The following GRM1 variants were observed in gnomAD, a reference collection of about 807,000 sequenced individuals.
GRM1 encodes the protein metabotropic glutamate receptor 1.
In GRM1, 33 loss-of-function variants were observed where a neutral mutation model predicts 90.9. That is an observed-to-expected ratio of 0.36 (90% CI 0.28 to 0.49). The LOEUF (loss-of-function observed/expected upper bound fraction) is 0.49. Among genes scored for constraint, GRM1 ranks in the 20% least tolerant of loss-of-function variants. GRM1 has a pLI of 0.99. For synonymous variants in GRM1, 700 were observed against 613.2 expected (o/e 1.14, Z -2.09); for missense variants, 1,190 against 1,534.3 (o/e 0.78, Z 3.75).
At chr6:146,126,730 T>C (rs1233241239) in intron 1 of GRM1, among the ~76,000 whole-genome samples, 1 of 152,186 alleles carries the variant, frequency 6.6e-6, no homozygotes, top group African/African-American at 2.4e-5. Flanking sequence ...TAGAAGCTCT[T>C]TTTAAAAAAT....
chr6:146,357,920 T>C (rs1388933342), intron 5 of GRM1, among the ~76,000 whole-genome samples: 1 of 152,196 alleles, frequency 6.6e-6, no homozygotes, highest in African/African-American at 2.4e-5. Flanking sequence ...ATCACAATGA[T>C]GGACTGGAAT....
chr6:146,237,658 T>C (rs1432916625), intron 2 of GRM1, among the ~76,000 whole-genome samples: 1 of 152,104 alleles, frequency 6.6e-6, no homozygotes, highest in East Asian at 1.9e-4. Context: ...TCCAGATATA[T>C]TAGAAATCAA....
chr6:146,300,160 C>A (rs1370363656), intron 2 of GRM1, among the ~76,000 whole-genome samples: 2 of 152,142 alleles, frequency 1.3e-5, no homozygotes, highest in African/African-American at 4.8e-5. Flanking sequence ...CAGGTACACA[C>A]AATTACTTGA....
At chr6:146,425,638 G>A (rs575155879) in intron 7 of GRM1, among the ~76,000 whole-genome samples, 38 of 152,334 alleles carry the variant, frequency 2.5e-4, no homozygotes, top group African/African-American at 7.7e-4. Flanking sequence ...CCCCTGACAT[G>A]AGAGATTTCT....
chr6:146,358,310 G>T (rs362896), intron 5 of GRM1, among the ~76,000 whole-genome samples: 1 of 152,094 alleles, frequency 6.6e-6, no homozygotes, highest in African/African-American at 2.4e-5. Context: ...TCAAATCCTC[G>T]GCGGGGTGTG....
intron 1 of GRM1, among the ~76,000 whole-genome samples, chr6:146,074,789 C>CCACA (rs1225580735): frequency 5.3e-5 from 8 of 151,946 alleles, no homozygotes; most frequent in Non-Finnish European, 8.8e-5. Context: ...CACAAATATC[C>CCACA]CACAGGCAAT....
chr6:146,045,303 A>G (rs935344829), intron 1 of GRM1, among the ~76,000 whole-genome samples: 2 of 151,994 alleles, frequency 1.3e-5, no homozygotes, highest in African/African-American at 4.8e-5. Flanking sequence ...TGAATGTAGC[A>G]TTGTAGTTAA....
intron 1 of GRM1, among the ~76,000 whole-genome samples, chr6:146,096,248 A>T (rs546029944): frequency 1.3e-5 from 2 of 152,302 alleles, no homozygotes; most frequent in Admixed American, 1.3e-4. Context: ...GGAAGTATGC[A>T]TATGTCTGTG....
rs889373889 is a variant in GRM1 at position 146,140,008 on chromosome 6, T to G, written c.701-19340T>G. Among the ~76,000 whole-genome samples the G allele has an allele frequency of 1.8e-3, 227 of 124,814 alleles. 3 individuals are homozygous for G. Among genetic ancestry groups the G allele is most frequent in the African/African-American group, 6.1e-3 (206 of 33,922 alleles). The allele number at this position is 124,814 out of a possible 152,430, so 81.9% of individuals were successfully genotyped here. A position where few individuals can be genotyped will look rare whatever the true frequency, so the allele number is the denominator to read the frequency against. On this transcript the variant is annotated intron_variant, in intron 1 of 7. Coordinates refer to ENST00000282753, the MANE Select transcript of GRM1 (RefSeq NM_001278064.2). ...TCCGCTTCCCTCCGCTTCCCTCCCC[T>G]CCCCTCACTTCCCCTCCTCTCCCCT...
At chr6:146,176,218 A>G (rs1027259705) in intron 2 of GRM1, among the ~76,000 whole-genome samples, 1 of 152,042 alleles carries the variant, frequency 6.6e-6, no homozygotes, top group Non-Finnish European at 1.5e-5. Context: ...ACAATAAAAT[A>G]GATTTCTCTA....
In GRM1 at chr6:146,085,997, A is replaced by G. The variant is rs530394177; in HGVS notation, c.700+55780A>G. Among the ~76,000 whole-genome samples the G allele has an allele frequency of 3.9e-5, 6 of 152,290 alleles. No individual in the cohort carries two copies. The South Asian group carries it at 1.2e-3, about 32-fold the overall frequency. On this transcript the variant is annotated intron_variant, in intron 1 of 7. Coordinates refer to ENST00000282753, the MANE Select transcript of GRM1 (RefSeq NM_001278064.2). ...GGCATACTCTATGTGACGGGGATAT[A>G]GAAATATAAGTTGTGCCAGCTACAA...
chr6:146,425,212 A>G (rs921918847), intron 7 of GRM1, among the ~76,000 whole-genome samples: 3 of 152,232 alleles, frequency 2.0e-5, no homozygotes, highest in Non-Finnish European at 4.4e-5. Context: ...GTTACATTCA[A>G]TGTGCTATGG....
intron 5 of GRM1, among the ~76,000 whole-genome samples, chr6:146,371,773 A>G (rs1775910829): frequency 6.6e-6 from 1 of 152,104 alleles, no homozygotes; most frequent in African/African-American, 2.4e-5. Context: ...AGTTCCATCC[A>G]TGTTGTTGCA....
chr6:146,115,057 C>T (rs1775690105), intron 1 of GRM1, among the ~76,000 whole-genome samples: 1 of 152,210 alleles, frequency 6.6e-6, no homozygotes, highest in African/African-American at 2.4e-5. Context: ...CTGATTGAGA[C>T]AATTGCTATT....
At chr6:146,393,065 G>A (rs1424604671) in intron 6 of GRM1, among the ~76,000 whole-genome samples, 1 of 152,068 alleles carries the variant, frequency 6.6e-6, no homozygotes, top group Non-Finnish European at 1.5e-5. Flanking sequence ...GGGATCGCTG[G>A]GTCAAATGGT....
At chr6:146,423,412 A>G (rs1317475969) in intron 7 of GRM1, among the ~76,000 whole-genome samples, 2 of 152,158 alleles carry the variant, frequency 1.3e-5, no homozygotes, top group Non-Finnish European at 2.9e-5. Context: ...TTTCACTTCA[A>G]TGCAAAGTGA....
chr6:146,117,136 C>T (rs2128875806), intron 1 of GRM1, among the ~76,000 whole-genome samples: 1 of 149,806 alleles, frequency 6.7e-6, no homozygotes. Context: ...TTTCAATTTT[C>T]CTTGGATTTA....
intron 1 of GRM1, among the ~76,000 whole-genome samples, chr6:146,063,562 A>G (rs904061909): frequency 2.0e-5 from 3 of 152,042 alleles, no homozygotes; most frequent in African/African-American, 7.2e-5. Flanking sequence ...TCTGTAACTT[A>G]GTTTCTACAT....
intron 3 of GRM1, among the ~76,000 whole-genome samples, chr6:146,315,437 G>T (rs1783933897): frequency 6.6e-6 from 1 of 152,118 alleles, no homozygotes; most frequent in Non-Finnish European, 1.5e-5. Context: ...CCTTAGAGAT[G>T]TAAATAGATC....
Sources: gnomAD v4.1 joint callset for allele counts (sites outside exome capture counted in the v4.1 genomes callset) on GRCh38, gnomAD v4.1.1 for gene constraint, MANE v1.5 for transcripts, NCBI Gene and HGNC (gene_info 2026-07-23, HGNC 2026-07-21) for gene names.